TRPV2: variants seen among roughly 807,000 people sequenced by gnomAD.
TRPV2 encodes transient receptor potential cation channel subfamily V member 2.
In TRPV2, 58 loss-of-function variants were observed where a neutral mutation model predicts 91.0. The ratio of observed to expected loss-of-function variants is 0.64; its 90% CI spans 0.52 to 0.79. The LOEUF (loss-of-function observed/expected upper bound fraction) is 0.79. Among genes scored for constraint, TRPV2 ranks in the 30% least tolerant of loss-of-function variants. TRPV2 has a pLI of 0.00. For synonymous variants in TRPV2, 417 were observed against 414.8 expected (o/e 1.01, Z -0.06); for missense variants, 807 against 969.6 (o/e 0.83, Z 2.23).
Position 16,426,826 on chromosome 17 carries a change from C to A in TRPV2, c.1200C>A (p.Ile400=). ...KFFLNFLCNL[I]YMFIFTAVAY... ...TCTTAAACTTCCTGTGTAATCTGAT[C>A]TACATGTTCATCTTCACCGCTGTTG... is the stretch of plus-strand genomic sequence containing the variant. Residue 400 remains isoleucine, a synonymous_variant, in exon 7 of 15, where the codon ATC becomes ATA. Coordinates refer to ENST00000338560, the MANE Select transcript of TRPV2 (RefSeq NM_016113.5). The surrounding 1 kb of genome is among the most constrained non-coding windows in gnomAD (Gnocchi z 6.0). The A allele has an allele frequency of 6.2e-7, 1 of 1,613,946 alleles. No individual in the cohort carries two copies. Among genetic ancestry groups the A allele is most frequent in the South Asian group, 1.1e-5 (1 of 91,082 alleles).
At chr17:16,429,612 A>G (rs1258660670) in intron 10 of TRPV2, among the ~76,000 whole-genome samples, 1 of 152,180 alleles carries the variant, frequency 6.6e-6, no homozygotes, top group Non-Finnish European at 1.5e-5. Context: ...ACCTGAAAGA[A>G]TGATTCAGCC....
chr17:16,429,440 G>A (rs180976503), intron 10 of TRPV2, among the ~76,000 whole-genome samples: 113 of 152,226 alleles, frequency 7.4e-4, no homozygotes, highest in Non-Finnish European at 1.4e-3. Flanking sequence ...CTGGTGGGAG[G>A]AAATGAAAAC....
intron 10 of TRPV2, among the ~76,000 whole-genome samples, chr17:16,431,291 A>ATATATATACATTTTT (rs1333090555): frequency 3.0e-5 from 2 of 67,392 alleles, no homozygotes; most frequent in African/African-American, 1.3e-4. Context: ...ATATATACAT[A>ATATATATACATTTTT]TTTTTTTTTT....
chr17:16,431,844 G>A lies in TRPV2; in HGVS notation c.1648G>A (p.Ala550Thr), dbSNP rs754548112. The A allele has an allele frequency of 9.3e-6, 15 of 1,613,934 alleles. No individual in the cohort carries two copies. The South Asian group carries it at 9.9e-5, about 11-fold the overall frequency. The change falls in exon 11 of 15, where the codon GCT becomes ACT. Residue 550 changes from alanine to threonine, a missense_variant. Physicochemically the swap from Ala to Thr is moderately conservative, Grantham distance 58. Coordinates refer to ENST00000338560, the MANE Select transcript of TRPV2 (RefSeq NM_016113.5). ...CTACTTAGTCTTCCTTTTCGGCTTCGCTGTAGGTAAAGGCTCCCTCCGGCC... is the reference window on the plus strand; with the variant it reads ...CTACTTAGTCTTCCTTTTCGGCTTCACTGTAGGTAAAGGCTCCCTCCGGCC... ...LIYLVFLFGF[A>T]VALVSLSQEA...
chr17:16,427,300 G>T, intron 7 of TRPV2, 149 bp from the exon 8 acceptor site: 1 of 660,160 alleles, frequency 1.5e-6, no homozygotes, highest in Non-Finnish European at 2.6e-6. Context: ...CAGGATCCAG[G>T]GGTCCTTCCC....
At chr17:16,418,018 G>T (rs559897926) in intron 2 of TRPV2, 150 bp downstream of exon 2, 2 of 759,024 alleles carry the variant, frequency 2.6e-6, no homozygotes, top group African/African-American at 1.8e-5. Context: ...TCCTGGGCCC[G>T]ACAGGCTGCC....
intron 2 of TRPV2, among the ~76,000 whole-genome samples, chr17:16,419,050 G>T (rs8079271): frequency 0.57 from 86,707 of 151,300 alleles, 26,046 homozygotes; most frequent in Non-Finnish European, 0.67. Flanking sequence ...AAAAAGTGAC[G>T]GATCCCAACA....
intron 2 of TRPV2, chr17:16,419,345 C>T (rs540235160): frequency 5.7e-5 from 27 of 471,112 alleles, no homozygotes; most frequent in South Asian, 4.0e-4. Context: ...AGAGATTTCT[C>T]ATTAGGTGTG....
intron 4 of TRPV2, among the ~76,000 whole-genome samples, chr17:16,423,126 T>C (rs2093366268): frequency 6.6e-6 from 1 of 152,366 alleles, no homozygotes; most frequent in South Asian, 2.1e-4. Context: ...GCTACAAGTG[T>C]GTGCCACCAC....
intron 10 of TRPV2, among the ~76,000 whole-genome samples, chr17:16,431,513 G>T (rs1431446315): frequency 6.6e-6 from 1 of 151,692 alleles, no homozygotes; most frequent in East Asian, 1.9e-4. Context: ...TGGCCAGGCT[G>T]GTCTTGAACT....
In TRPV2 at chr17:16,436,949, C is replaced by T; in HGVS notation, c.*60C>T. ...CAGAGGATCTTTCCAACCACATCTG[C>T]TGGCTCTGGGGTCCCAGTGAATTCT... is the stretch of plus-strand genomic sequence containing the variant. On this transcript the variant is annotated 3_prime_UTR_variant, in exon 15 of 15. Transcript: ENST00000338560. 7.4e-7 allele frequency: 1 copy of T among 1,356,386 alleles called. No homozygotes were observed. Among genetic ancestry groups the T allele is most frequent in the Middle Eastern group, 1.8e-4 (1 of 5,488 alleles). 84.0% of individuals were successfully genotyped at this position (1,356,386 alleles called of 1,614,324 possible). A position where few individuals can be genotyped will look rare whatever the true frequency, so the allele number is the denominator to read the frequency against.
intron 2 of TRPV2, 115 bp from the exon 3 acceptor site, chr17:16,420,000 C>A: frequency 1.4e-6 from 2 of 1,430,770 alleles, no homozygotes; most frequent in Non-Finnish European, 1.9e-6. Context: ...GGCTCCTGGG[C>A]CTGAGGGGTG....
Position 16,417,558 on chromosome 17 carries a change from G to GT in TRPV2, c.-107-4_-107-3insT. ...TTGCACTAACCTAATACCTCCTTTT[G>GT]CAGGCTCCAGTCAGGCCAACACCGA... On this transcript the variant is annotated splice_polypyrimidine_tract_variant and splice_region_variant and intron_variant, in intron 1 of 14. Coordinates refer to ENST00000338560, the MANE Select transcript of TRPV2 (RefSeq NM_016113.5). The GT allele has an allele frequency of 8.5e-7, 1 of 1,172,328 alleles. No individual in the cohort carries two copies. Among genetic ancestry groups the GT allele is most frequent in the Non-Finnish European group, 1.2e-6 (1 of 814,246 alleles). 72.6% of individuals were successfully genotyped at this position (1,172,328 alleles called of 1,614,324 possible).
chr17:16,432,380 G>A, intron 12 of TRPV2, 80 bp downstream of exon 12: 2 of 1,304,840 alleles, frequency 1.5e-6, no homozygotes, highest in Non-Finnish European at 1.0e-6. Flanking sequence ...GCGGAGCTGG[G>A]CCTTCCCTAG....
At chr17:16,431,273 ATATATATATATATACATATTTTTTTTTT>A (rs1373832835) in intron 10 of TRPV2, among the ~76,000 whole-genome samples, 3 of 73,568 alleles carry the variant, frequency 4.1e-5, no homozygotes, top group Non-Finnish European at 7.6e-5. Context: ...ATATATATAT[ATATATATATATATACATATTTTTTTTTT>A]TTTTTTTTTT....
chr17:16,433,438 C>A (rs181922302), intron 12 of TRPV2, 136 bp from the exon 13 acceptor site: 5 of 1,294,102 alleles, frequency 3.9e-6, no homozygotes, highest in Admixed American at 4.4e-5. Context: ...GAGCCAGATT[C>A]GAATCCGCGT....
chr17:16,433,902 G>C (rs1211635967), intron 13 of TRPV2, among the ~76,000 whole-genome samples: 1 of 152,246 alleles, frequency 6.6e-6, no homozygotes, highest in East Asian at 1.9e-4. Flanking sequence ...CCATCTGCCT[G>C]TCCCAGTGGC....
At chr17:16,433,893 C>G (rs1340253472) in intron 13 of TRPV2, among the ~76,000 whole-genome samples, 195 bp downstream of exon 13, 3 of 152,228 alleles carry the variant, frequency 2.0e-5, no homozygotes, top group Non-Finnish European at 2.9e-5. Flanking sequence ...CATGACTGGC[C>G]ATCTGCCTGT....
Position 16,428,340 on chromosome 17 carries a change from C to G in TRPV2, c.1374C>G (p.His458Gln). The G allele has an allele frequency of 6.2e-7, 1 of 1,614,220 alleles. No individual in the cohort carries two copies. Among genetic ancestry groups the G allele is most frequent in the Non-Finnish European group, 8.5e-7 (1 of 1,180,028 alleles). ...AGCTGTGGTACTTCTGGCGGCGCCACGTGTTCATCTGGATCTCGTTCATAG... is the reference window on the plus strand; with the variant it reads ...AGCTGTGGTACTTCTGGCGGCGCCAGGTGTTCATCTGGATCTCGTTCATAG... The part of the protein sequence containing the change: ...VGQLWYFWRR[H>Q]VFIWISFIDS... Residue 458 changes from histidine (H) to glutamine (Q), a missense_variant, in exon 9 of 15, where the codon CAC (histidine) becomes CAG (glutamine). His to Gln is a conservative substitution (Grantham distance 24, BLOSUM62 0). Transcript: ENST00000338560.
Sources: gnomAD v4.1 joint callset for allele counts (sites outside exome capture counted in the v4.1 genomes callset) on GRCh38, gnomAD v4.1.1 for gene constraint, Gnocchi (gnomAD v3.1) non-coding constraint, MANE v1.5 for transcripts, NCBI Gene and HGNC (gene_info 2026-07-23, HGNC 2026-07-21) for gene names.